TMEM163: variants seen among roughly 807,000 people sequenced by gnomAD.
The protein encoded by TMEM163 is transmembrane protein 163.
Under a neutral mutation model 29.3 loss-of-function variants are expected in TMEM163, and 17 were observed. The observed-to-expected ratio is 0.58, with a 90% CI of 0.40 to 0.87. The LOEUF is 0.87. TMEM163 is among the 40% of genes least tolerant of loss of function. TMEM163 has a pLI of 0.00. For missense variants in TMEM163, 303 were observed against 381.5 expected, an observed-to-expected ratio of 0.79 and a Z score of 1.71; for synonymous variants, 157 against 160.6, an observed-to-expected ratio of 0.98 and a Z score of 0.17.
At chr2:134,661,162 G>GCTCT (rs10660772) in intron 2 of TMEM163, among the ~76,000 whole-genome samples, 74,645 of 150,088 alleles carry the variant, frequency 0.5, 19,164 homozygotes, top group Non-Finnish European at 0.55. Context: ...GCTCTTGCTT[G>GCTCT]CTCTCTCTCT....
intron 6 of TMEM163, among the ~76,000 whole-genome samples, chr2:134,462,346 G>A (rs1275084502): frequency 1.3e-5 from 2 of 152,072 alleles, no homozygotes; most frequent in Non-Finnish European, 2.9e-5. Flanking sequence ...AATGACCAGA[G>A]GGCTCTGCAG....
Position 134,661,925 on chromosome 2 carries a change from C to CTTTTTTTTTTTTTTTTTTTTTT in TMEM163, c.322+51274_322+51275insAAAAAAAAAAAAAAAAAAAAAA, listed in dbSNP as rs201436466. Among the ~76,000 whole-genome samples, 13 of 79,066 alleles carry CTTTTTTTTTTTTTTTTTTTTTT rather than the reference C, an allele frequency of 1.6e-4. 5 individuals carry two copies. The highest frequency in any genetic ancestry group is 2.9e-4 in the African/African-American group (5 of 16,966). The allele number at this position is 79,066 out of a possible 152,430, so 51.9% of individuals were successfully genotyped here. On this transcript the variant is annotated intron_variant, in intron 2 of 7. Coordinates refer to ENST00000281924, the MANE Select transcript of TMEM163 (RefSeq NM_030923.5). Reference sequence around the variant, plus strand: ...AAGTTTTCATGGATTCATTAATTTTCTTTCTTTTTTTTTTTTTTTTTTTTG... The same window carrying CTTTTTTTTTTTTTTTTTTTTTT: ...AAGTTTTCATGGATTCATTAATTTTCTTTTTTTTTTTTTTTTTTTTTTTTTCTTTTTTTTTTTTTTTTTTTTG...
intron 5 of TMEM163, among the ~76,000 whole-genome samples, chr2:134,472,244 G>A (rs1449354135): frequency 6.6e-6 from 1 of 152,162 alleles, no homozygotes; most frequent in African/African-American, 2.4e-5. Flanking sequence ...TACAAACTAG[G>A]AAAAGGGTTA....
At chr2:134,513,872 C>T (rs185650304) in intron 4 of TMEM163, among the ~76,000 whole-genome samples, 1 of 152,304 alleles carries the variant, frequency 6.6e-6, no homozygotes, top group Admixed American at 6.5e-5. Flanking sequence ...ATGATTCGTC[C>T]CTGAGCAGGG....
chr2:134,639,989 AC>A (rs1446905214), intron 2 of TMEM163, among the ~76,000 whole-genome samples: 4 of 152,120 alleles, frequency 2.6e-5, no homozygotes, highest in Non-Finnish European at 5.9e-5. Context: ...TTAAAAATAA[AC>A]CCCAGTTTCC....
intron 5 of TMEM163, among the ~76,000 whole-genome samples, chr2:134,484,477 C>A (rs1019570528): frequency 2.0e-5 from 3 of 152,012 alleles, no homozygotes; most frequent in African/African-American, 7.3e-5. Context: ...TCAAAACCAG[C>A]CTGAGCAACA....
intron 5 of TMEM163, among the ~76,000 whole-genome samples, chr2:134,493,231 C>A (rs1219191662): frequency 6.6e-6 from 1 of 151,720 alleles, no homozygotes; most frequent in East Asian, 1.9e-4. Flanking sequence ...GATACTAAAC[C>A]TTTGTCTGAT....
chr2:134,625,854 A>C (rs1036370092), intron 2 of TMEM163, among the ~76,000 whole-genome samples: 4 of 152,110 alleles, frequency 2.6e-5, no homozygotes, highest in African/African-American at 9.7e-5. Flanking sequence ...TCACCCCACC[A>C]ACCGTCCCAC....
At chr2:134,466,535 G>A (rs1686672945) in intron 5 of TMEM163, 1 of 274,878 alleles carries the variant, frequency 3.6e-6, no homozygotes, top group Non-Finnish European at 7.0e-6. Flanking sequence ...AACAGAGTTG[G>A]TCAGAATGCT....
At chr2:134,543,633 T>C (rs1012433572) in intron 4 of TMEM163, among the ~76,000 whole-genome samples, 2 of 152,236 alleles carry the variant, frequency 1.3e-5, no homozygotes, top group African/African-American at 4.8e-5. Context: ...CTCAATTTTC[T>C]TTTTAAATTT....
chr2:134,666,146 A>G (rs1404223180), intron 2 of TMEM163, among the ~76,000 whole-genome samples: 1 of 152,066 alleles, frequency 6.6e-6, no homozygotes, highest in Admixed American at 6.5e-5. Flanking sequence ...AGCTAATCAG[A>G]CTAAATCCCA....
In TMEM163 at chr2:134,458,115, C is replaced by A; in HGVS notation, c.726G>T (p.Val242=). The A allele has an allele frequency of 6.2e-7, 1 of 1,614,204 alleles. No homozygotes were observed. Among genetic ancestry groups the A allele is most frequent in the South Asian group, 1.1e-5 (1 of 91,090 alleles). The change falls in exon 7 of 8, where the codon GTG becomes GTT. Residue 242 remains valine, a synonymous_variant. Coordinates refer to ENST00000281924, the MANE Select transcript of TMEM163 (RefSeq NM_030923.5). ...MGFSILLSAE[V]FKHDSAVWYL... The stretch of plus-strand genomic sequence containing the variant: ...ACCAGACCGCCGAGTCATGCTTGAA[C>A]ACTTCCGCGCTCAGAAGAATGGAGA...
chr2:134,583,451 G>A (rs1681742063), intron 2 of TMEM163, among the ~76,000 whole-genome samples: 1 of 152,164 alleles, frequency 6.6e-6, no homozygotes, highest in Non-Finnish European at 1.5e-5. Context: ...GAGGCTCCTA[G>A]AGTTCGAAGA....
chr2:134,498,946 C>T (rs1574180585), intron 5 of TMEM163, among the ~76,000 whole-genome samples: 1 of 152,278 alleles, frequency 6.6e-6, no homozygotes, highest in South Asian at 2.1e-4. Context: ...CAGGCTCTGC[C>T]GCCACCCAGC....
At position 134,652,028 on chromosome 2, in the gene TMEM163, G is replaced by A. The variant is rs911449482; in HGVS notation, c.322+61172C>T. On this transcript the variant is annotated intron_variant, in intron 2 of 7. Transcript: ENST00000281924. ...GCTTAGGATTGACTTGGTGATGCGG[G>A]CTCTTTTTTGGTTCCATATGAACTT... 2.5e-4 allele frequency among the ~76,000 whole-genome samples: 35 copies of A among 137,536 alleles called. 7 individuals are homozygous for A. The highest frequency in any genetic ancestry group is 1.1e-3 in the African/African-American group (35 of 32,028). The allele number at this position is 137,536 out of a possible 152,430, so 90.2% of individuals were successfully genotyped here.
At chr2:134,676,353 T>C (rs1684114746) in intron 2 of TMEM163, among the ~76,000 whole-genome samples, 1 of 152,234 alleles carries the variant, frequency 6.6e-6, no homozygotes, top group Admixed American at 6.5e-5. Context: ...CACTCATTCC[T>C]ATGGGTAAAG....
chr2:134,471,065 A>G (rs1054109802), intron 5 of TMEM163, among the ~76,000 whole-genome samples: 8 of 152,218 alleles, frequency 5.3e-5, no homozygotes, highest in African/African-American at 1.9e-4. Flanking sequence ...CCAGCTACTC[A>G]GGAGGCTGAA....
At chr2:134,711,686 CA>C (rs1328695121) in intron 2 of TMEM163, among the ~76,000 whole-genome samples, 1 of 152,064 alleles carries the variant, frequency 6.6e-6, no homozygotes, top group East Asian at 1.9e-4. Context: ...CATGTGAAAC[CA>C]AAATTTCCTC....
intron 2 of TMEM163, among the ~76,000 whole-genome samples, chr2:134,553,281 T>C (rs1488737848): frequency 6.6e-6 from 1 of 152,134 alleles, no homozygotes; most frequent in African/African-American, 2.4e-5. Flanking sequence ...ATATCCCTTC[T>C]CTAGGACCTG....
Sources: allele counts gnomAD v4.1 joint callset (sites outside exome capture counted in the v4.1 genomes callset), GRCh38; gene constraint gnomAD v4.1.1; transcripts MANE v1.5; gene names NCBI Gene and HGNC (gene_info 2026-07-23, HGNC 2026-07-21).